Variants in AP2B1 observed in about 807,000 individuals in gnomAD.
The protein encoded by AP2B1 is AP-2 complex subunit beta.
AP2B1 carries 23 observed loss-of-function variants against 102.0 expected under a neutral mutation model. That is an observed-to-expected ratio of 0.23 (90% confidence interval 0.16 to 0.32). AP2B1 has a LOEUF of 0.32. Among genes scored for constraint, AP2B1 ranks in the 10% least tolerant of loss-of-function variants. AP2B1 has a pLI of 1.00. For missense variants in AP2B1, 541 were observed against 1,157.4 expected (o/e 0.47, Z 7.73); for synonymous variants, 381 against 421.2 (o/e 0.90, Z 1.17).
chr17:35,712,366 T>C (rs1555587973), intron 20 of AP2B1, among the ~76,000 whole-genome samples: 1 of 152,164 alleles, frequency 6.6e-6, no homozygotes, highest in East Asian at 1.9e-4. Flanking sequence ...CAGTGGCTCA[T>C]GCCTGTAATC....
chr17:35,706,888 G>A (rs965360017), intron 18 of AP2B1, among the ~76,000 whole-genome samples: 1 of 152,014 alleles, frequency 6.6e-6, no homozygotes, highest in Admixed American at 6.6e-5. Flanking sequence ...CTGACCTCAG[G>A]TGATCTGCCT....
intron 14 of AP2B1, among the ~76,000 whole-genome samples, chr17:35,667,793 T>C (rs1454881671): frequency 2.0e-5 from 3 of 152,144 alleles, no homozygotes; most frequent in Non-Finnish European, 4.4e-5. Flanking sequence ...TCTTGGATTA[T>C]AAGCCTAGCC....
chr17:35,622,711 C>G (rs2074214746), intron 5 of AP2B1, among the ~76,000 whole-genome samples: 1 of 152,208 alleles, frequency 6.6e-6, no homozygotes, highest in African/African-American at 2.4e-5. Context: ...GTCGCCCAAG[C>G]TGGAGTGCAG....
intron 20 of AP2B1, among the ~76,000 whole-genome samples, chr17:35,713,214 G>A (rs1412784489): frequency 2.6e-5 from 4 of 152,166 alleles, no homozygotes; most frequent in Non-Finnish European, 4.4e-5. Context: ...ATGGCCTCAC[G>A]CCAATCGCTC....
At chr17:35,649,342 C>T (rs1037316975) in intron 12 of AP2B1, among the ~76,000 whole-genome samples, 1 of 152,008 alleles carries the variant, frequency 6.6e-6, no homozygotes, top group Non-Finnish European at 1.5e-5. Context: ...AATCTCGGCT[C>T]ACTGCAACCT....
chr17:35,596,440 T>C (rs556316354), intron 2 of AP2B1, among the ~76,000 whole-genome samples: 1 of 152,368 alleles, frequency 6.6e-6, no homozygotes, highest in East Asian at 1.9e-4. Flanking sequence ...AGTGCTCTAC[T>C]TCTGTGTCTT....
intron 2 of AP2B1, among the ~76,000 whole-genome samples, chr17:35,597,294 G>A (rs2142323753): frequency 6.6e-6 from 1 of 152,282 alleles, no homozygotes; most frequent in Admixed American, 6.5e-5. Flanking sequence ...CATGGACTTA[G>A]TGTTTTTTTT....
At chr17:35,641,324 G>A (rs1350344032) in intron 11 of AP2B1, among the ~76,000 whole-genome samples, 1 of 152,176 alleles carries the variant, frequency 6.6e-6, no homozygotes, top group Non-Finnish European at 1.5e-5. Flanking sequence ...TGTAATCCCA[G>A]CACTTTGGAA....
At chr17:35,704,319 C>T (rs1214010748) in intron 18 of AP2B1, among the ~76,000 whole-genome samples, 1 of 152,166 alleles carries the variant, frequency 6.6e-6, no homozygotes, top group Non-Finnish European at 1.5e-5. Flanking sequence ...AGAACCCATA[C>T]ATCATCCCAT....
intron 12 of AP2B1, among the ~76,000 whole-genome samples, chr17:35,648,253 T>A (rs2074991297): frequency 6.6e-6 from 1 of 152,170 alleles, no homozygotes; most frequent in Non-Finnish European, 1.5e-5. Flanking sequence ...CGGTGGCTTA[T>A]GCCTGTAATC....
At chr17:35,691,969 C>T (rs1284516561) in intron 18 of AP2B1, among the ~76,000 whole-genome samples, 1 of 152,114 alleles carries the variant, frequency 6.6e-6, no homozygotes, top group Non-Finnish European at 1.5e-5. Flanking sequence ...TGAGAACACT[C>T]CTTTATCTTT....
At chr17:35,651,946 T>C (rs1272255126) in intron 13 of AP2B1, among the ~76,000 whole-genome samples, 1 of 152,208 alleles carries the variant, frequency 6.6e-6, no homozygotes, top group Non-Finnish European at 1.5e-5. Context: ...CAAGTTTCGA[T>C]GTAGATACGG....
chr17:35,673,039 C>T (rs2075622898), intron 16 of AP2B1, among the ~76,000 whole-genome samples: 1 of 152,052 alleles, frequency 6.6e-6, no homozygotes, highest in Non-Finnish European at 1.5e-5. Context: ...ATTGATACAC[C>T]ATAATTTATT....
chr17:35,684,496 G>C (rs587625578), intron 18 of AP2B1, among the ~76,000 whole-genome samples: 4 of 152,266 alleles, frequency 2.6e-5, no homozygotes, highest in Non-Finnish European at 5.9e-5. Flanking sequence ...CAGCAGGCCT[G>C]TTTGCCAGTT....
At chr17:35,721,246 C>T (rs888735755) in intron 21 of AP2B1, among the ~76,000 whole-genome samples, 2 of 152,174 alleles carry the variant, frequency 1.3e-5, no homozygotes, top group African/African-American at 2.4e-5. Flanking sequence ...ACTTGTCCCA[C>T]GTGAAGCAGT....
chr17:35,609,537 C>T (rs1482758272), intron 5 of AP2B1, among the ~76,000 whole-genome samples: 2 of 151,966 alleles, frequency 1.3e-5, no homozygotes, highest in Admixed American at 6.6e-5. Context: ...TTAGTAGAGA[C>T]GGGGCTTCAC....
chr17:35,589,949 G>A (rs2073037393), intron 1 of AP2B1, among the ~76,000 whole-genome samples: 3 of 125,034 alleles, frequency 2.4e-5, no homozygotes, highest in South Asian at 2.5e-4. Flanking sequence ...TTTTTGAGAC[G>A]GAGTCTCACT....
At chr17:35,653,801 C>T (rs1047673971) in intron 13 of AP2B1, among the ~76,000 whole-genome samples, 3 of 151,970 alleles carry the variant, frequency 2.0e-5, no homozygotes, top group Non-Finnish European at 2.9e-5. Context: ...TCTGAATTAT[C>T]GACCCCAGTG....
intron 18 of AP2B1, among the ~76,000 whole-genome samples, chr17:35,684,890 A>C (rs2142994667): frequency 6.6e-6 from 1 of 152,304 alleles, no homozygotes; most frequent in Non-Finnish European, 1.5e-5. Context: ...TAAAATGAAA[A>C]GAAAAAAAAG....
Sources: gnomAD v4.1 joint callset for allele counts (sites outside exome capture counted in the v4.1 genomes callset) on GRCh38, gnomAD v4.1.1 for gene constraint, MANE v1.5 for transcripts, NCBI Gene and HGNC (gene_info 2026-07-23, HGNC 2026-07-21) for gene names.